The following CSMD1 variants were observed in gnomAD, a reference collection of about 807,000 sequenced individuals.
CSMD1 encodes CUB and sushi domain-containing protein 1.
A neutral mutation model predicts 417.5 loss-of-function variants in CSMD1; 213 were observed. That is an observed-to-expected ratio of 0.51 (90% CI 0.46 to 0.57). The LOEUF is 0.57. Among genes scored for constraint, CSMD1 ranks in the 20% least tolerant of loss-of-function variants. CSMD1 has a pLI of 0.00. For missense variants in CSMD1, 6,923 were observed against 4,529.7 expected (o/e 1.53, Z -15.17); for synonymous variants, 2,862 against 1,736.8 (o/e 1.65, Z -16.11).
At chr8:4,280,823 T>C (rs529106540) in intron 3 of CSMD1, among the ~76,000 whole-genome samples, 2 of 152,312 alleles carry the variant, frequency 1.3e-5, no homozygotes, top group Admixed American at 1.3e-4. Context: ...AATGTATAAA[T>C]TATAAGACTT....
intron 1 of CSMD1, among the ~76,000 whole-genome samples, chr8:4,833,295 G>A (rs1442128305): frequency 6.6e-6 from 1 of 152,192 alleles, no homozygotes; most frequent in Non-Finnish European, 1.5e-5. Flanking sequence ...CATGGCAGAA[G>A]GGCGAATGGG....
chr8:4,931,926 T>C (rs12334748), intron 1 of CSMD1, among the ~76,000 whole-genome samples: 47,341 of 152,162 alleles, frequency 0.31, 8,328 homozygotes, highest in Non-Finnish European at 0.41. Flanking sequence ...GACATTAAGA[T>C]GCTTATGTAA....
intron 1 of CSMD1, among the ~76,000 whole-genome samples, chr8:4,937,452 C>G (rs919716299): frequency 3.3e-5 from 5 of 151,956 alleles, no homozygotes; most frequent in Non-Finnish European, 7.4e-5. Context: ...ATGAGTAATA[C>G]TAAGGCAAGG....
intron 3 of CSMD1, among the ~76,000 whole-genome samples, chr8:4,148,251 A>G (rs1333694940): frequency 6.6e-6 from 1 of 151,888 alleles, no homozygotes. Context: ...TGAAAAACTC[A>G]GCAAACTATC....
At chr8:3,239,281 G>A (rs1458388723) in intron 26 of CSMD1, among the ~76,000 whole-genome samples, 3 of 152,088 alleles carry the variant, frequency 2.0e-5, no homozygotes, top group African/African-American at 4.8e-5. Context: ...GACTAATAAA[G>A]GCCGGTCTGC....
intron 1 of CSMD1, among the ~76,000 whole-genome samples, chr8:4,949,841 T>C (rs6986049): frequency 6.6e-6 from 1 of 151,894 alleles, no homozygotes; most frequent in East Asian, 1.9e-4. Context: ...GATATATATA[T>C]AGAGAGAATA....
chr8:3,129,542 A>C (rs978004248), intron 41 of CSMD1, among the ~76,000 whole-genome samples: 1 of 152,092 alleles, frequency 6.6e-6, no homozygotes, highest in Non-Finnish European at 1.5e-5. Flanking sequence ...TGGGAGGCCG[A>C]GGTGGGTGGA....
At chr8:3,885,827 T>A (rs1222901730) in intron 5 of CSMD1, among the ~76,000 whole-genome samples, 2 of 152,190 alleles carry the variant, frequency 1.3e-5, no homozygotes, top group Non-Finnish European at 2.9e-5. Context: ...TAAAAATGTG[T>A]CTGACCTGGC....
At chr8:3,716,170 C>T (rs1801820953) in intron 6 of CSMD1, among the ~76,000 whole-genome samples, 1 of 152,196 alleles carries the variant, frequency 6.6e-6, no homozygotes, top group Non-Finnish European at 1.5e-5. Flanking sequence ...TCCTTGTTCA[C>T]AGGGATGGGT....
At chr8:4,745,594 TAAAGAG>T (rs1810900172) in intron 1 of CSMD1, among the ~76,000 whole-genome samples, 1 of 151,778 alleles carries the variant, frequency 6.6e-6, no homozygotes, top group Admixed American at 6.6e-5. Context: ...ATGCTAGAAA[TAAAGAG>T]AGAGAGAGGG....
chr8:3,293,738 T>C (rs1159364979), intron 25 of CSMD1, among the ~76,000 whole-genome samples: 1 of 152,180 alleles, frequency 6.6e-6, no homozygotes, highest in Admixed American at 6.5e-5. Flanking sequence ...TTAATTTTTT[T>C]TACAAGGTTT....
At chr8:4,378,931 G>A (rs1010692460) in intron 3 of CSMD1, among the ~76,000 whole-genome samples, 2 of 152,150 alleles carry the variant, frequency 1.3e-5, no homozygotes, top group Admixed American at 6.5e-5. Context: ...CCCTGGAATT[G>A]TGATAAATTC....
At chr8:4,668,162 G>A (rs1199664508) in intron 1 of CSMD1, among the ~76,000 whole-genome samples, 2 of 152,044 alleles carry the variant, frequency 1.3e-5, no homozygotes, top group East Asian at 1.9e-4. Flanking sequence ...TTAATCAACT[G>A]CACTGCCATG....
chr8:4,092,184 G>A (rs946613902), intron 3 of CSMD1, among the ~76,000 whole-genome samples: 11 of 152,112 alleles, frequency 7.2e-5, no homozygotes, highest in African/African-American at 2.7e-4. Context: ...AAAATCCATT[G>A]AAATTAATAG....
intron 27 of CSMD1, among the ~76,000 whole-genome samples, chr8:3,225,707 C>T (rs1798464235): frequency 6.6e-6 from 1 of 152,202 alleles, no homozygotes; most frequent in South Asian, 2.1e-4. Context: ...CTGTCTTATT[C>T]ACACTGATCC....
intron 1 of CSMD1, among the ~76,000 whole-genome samples, chr8:4,681,272 G>A (rs1162159705): frequency 1.3e-5 from 2 of 152,030 alleles, no homozygotes; most frequent in African/African-American, 4.8e-5. Context: ...AGTCTGCTTG[G>A]CTTTTAACTT....
chr8:4,405,016 A>C lies in CSMD1; in HGVS notation c.415+14937T>G, dbSNP rs1428149177. On this transcript the variant is annotated intron_variant, in intron 3 of 69. Transcript: ENST00000635120. Reference sequence around the variant, plus strand: ...CTCAAGGCTAAAAGCTAAGTAATAAAACTGAGGTTTAAACTAGCATGTCGT... The same window carrying C: ...CTCAAGGCTAAAAGCTAAGTAATAACACTGAGGTTTAAACTAGCATGTCGT... Among the ~76,000 whole-genome samples the C allele has an allele frequency of 2.0e-5, 3 of 152,242 alleles. No individual in the cohort carries two copies. In the East Asian group the frequency reaches 5.8e-4, roughly 29 times the overall value.
intron 29 of CSMD1, among the ~76,000 whole-genome samples, chr8:3,217,534 T>G (rs781426146): frequency 6.6e-6 from 1 of 152,218 alleles, no homozygotes; most frequent in Admixed American, 6.5e-5. Flanking sequence ...CATGATTTTG[T>G]TGGGGGCGTG....
intron 3 of CSMD1, among the ~76,000 whole-genome samples, chr8:4,092,685 A>T (rs750927686): frequency 1.3e-5 from 2 of 152,138 alleles, no homozygotes; most frequent in Non-Finnish European, 2.9e-5. Flanking sequence ...TTTTTCTTGA[A>T]TATTTTTCCT....
Sources: allele counts gnomAD v4.1 joint callset (sites outside exome capture counted in the v4.1 genomes callset), GRCh38; gene constraint gnomAD v4.1.1; transcripts MANE v1.5; gene names NCBI Gene and HGNC (gene_info 2026-07-23, HGNC 2026-07-21).